Variants in LAMC1 observed in about 807,000 individuals in gnomAD.
LAMC1 encodes the protein laminin subunit gamma-1.
Under a neutral mutation model 173.6 loss-of-function variants are expected in LAMC1, and 38 were observed. That is an observed-to-expected ratio of 0.22 (90% CI 0.17 to 0.29). LAMC1 has a LOEUF of 0.29. Among genes scored for constraint, LAMC1 ranks in the 10% least tolerant of loss-of-function variants. LAMC1 has a pLI of 1.00. For missense variants in LAMC1, 1,824 were observed against 2,051.8 expected (o/e 0.89, Z 2.14); for synonymous variants, 746 against 749.1 (o/e 1.00, Z 0.07).
rs1472668027 is a variant in LAMC1 at position 183,034,868 on chromosome 1, C to G, written c.418+10734C>G. Among the ~76,000 whole-genome samples the G allele has an allele frequency of 2.6e-5, 4 of 152,154 alleles. No individual in the cohort carries two copies. In the East Asian group the frequency reaches 7.7e-4, roughly 29 times the overall value. ...CTTTTGTCAAGTGCCTCCTGGTTAC[C>G]TCTTTGAATTCTTCAGTCTTGAGAA... On this transcript the variant is annotated intron_variant, in intron 1 of 27. Coordinates refer to ENST00000258341, the MANE Select transcript of LAMC1 (RefSeq NM_002293.4).
intron 2 of LAMC1, among the ~76,000 whole-genome samples, chr1:183,104,320 A>G (rs1263239481): frequency 6.6e-6 from 1 of 152,218 alleles, no homozygotes; most frequent in Non-Finnish European, 1.5e-5. Flanking sequence ...TTCTACATGC[A>G]TATTCCTTAT....
chr1:183,058,269 C>G (rs1274271297), intron 1 of LAMC1, among the ~76,000 whole-genome samples: 2 of 152,136 alleles, frequency 1.3e-5, no homozygotes, highest in Non-Finnish European at 2.9e-5. Flanking sequence ...TATTTCATAC[C>G]TGTAACATAA....
chr1:183,049,256 C>T (rs189396799), intron 1 of LAMC1, among the ~76,000 whole-genome samples: 14 of 152,160 alleles, frequency 9.2e-5, no homozygotes, highest in Admixed American at 9.2e-4. Flanking sequence ...GTAGAGAAGA[C>T]ATACAGAAAT....
At chr1:183,029,436 C>T (rs1446932792) in intron 1 of LAMC1, among the ~76,000 whole-genome samples, 1 of 152,322 alleles carries the variant, frequency 6.6e-6, no homozygotes, top group South Asian at 2.1e-4. Flanking sequence ...TTCTAAAATG[C>T]AAATCTGATC....
At chr1:183,113,981 C>A (rs1029601666) in intron 4 of LAMC1, among the ~76,000 whole-genome samples, 3 of 152,126 alleles carry the variant, frequency 2.0e-5, no homozygotes, top group African/African-American at 7.2e-5. Flanking sequence ...TACGATGGTG[C>A]TGTTTTTTAG....
intron 1 of LAMC1, among the ~76,000 whole-genome samples, chr1:183,083,642 T>A (rs999894769): frequency 6.6e-6 from 1 of 152,220 alleles, no homozygotes; most frequent in Non-Finnish European, 1.5e-5. Context: ...TTTGCCAACT[T>A]GAAGGTGTAA....
At chr1:183,060,181 T>C (rs1418863230) in intron 1 of LAMC1, among the ~76,000 whole-genome samples, 1 of 152,142 alleles carries the variant, frequency 6.6e-6, no homozygotes, top group Admixed American at 6.5e-5. Context: ...TTTAAGTCCT[T>C]GTGAATGTGC....
chr1:183,099,600 GGCT>G (rs1209395283), intron 1 of LAMC1, among the ~76,000 whole-genome samples: 2 of 152,012 alleles, frequency 1.3e-5, no homozygotes, highest in Non-Finnish European at 2.9e-5. Context: ...TCCTCCCTCT[GGCT>G]GCCCCCTCAT....
chr1:183,034,792 A>T (rs775847940), intron 1 of LAMC1, among the ~76,000 whole-genome samples: 1 of 152,228 alleles, frequency 6.6e-6, no homozygotes, highest in Non-Finnish European at 1.5e-5. Flanking sequence ...GACGTGCCAG[A>T]TGGATTCTGA....
chr1:183,097,981 C>G (rs1041374717), intron 1 of LAMC1, among the ~76,000 whole-genome samples: 13 of 151,376 alleles, frequency 8.6e-5, no homozygotes, highest in African/African-American at 1.5e-4. Context: ...GGAAGATGTT[C>G]TGGTTGAATA....
intron 22 of LAMC1, among the ~76,000 whole-genome samples, chr1:183,133,982 T>G (rs1263521204): frequency 1.3e-5 from 2 of 152,194 alleles, no homozygotes; most frequent in Non-Finnish European, 2.9e-5. Flanking sequence ...ATGTAGACAT[T>G]TACTCCCAGG....
At chr1:183,037,868 TG>T (rs1654023563) in intron 1 of LAMC1, among the ~76,000 whole-genome samples, 1 of 152,106 alleles carries the variant, frequency 6.6e-6, no homozygotes, top group Non-Finnish European at 1.5e-5. Flanking sequence ...ATTCTAGGAT[TG>T]TTTTTTTCTC....
At chr1:183,139,649 T>C (rs1313014722) in intron 26 of LAMC1, among the ~76,000 whole-genome samples, 4 of 152,362 alleles carry the variant, frequency 2.6e-5, no homozygotes, top group South Asian at 2.1e-4. Flanking sequence ...AAAACAATTA[T>C]GTGGTAAGAG....
intron 1 of LAMC1, among the ~76,000 whole-genome samples, chr1:183,070,747 G>T (rs1311694145): frequency 6.6e-6 from 1 of 151,990 alleles, no homozygotes; most frequent in Non-Finnish European, 1.5e-5. Flanking sequence ...TCTTAAATGG[G>T]AGTTCTCAGT....
Position 183,114,558 on chromosome 1 carries a change from A to G in LAMC1, c.1049A>G (p.Glu350Gly), listed in dbSNP as rs1656263524. The G allele has an allele frequency of 6.2e-7, 1 of 1,614,074 alleles. No individual in the cohort carries two copies. The highest frequency in any genetic ancestry group is 1.3e-5 in the African/African-American group (1 of 74,922). The change falls in exon 5 of 28, where the codon GAA becomes GGA. Residue 350 changes from glutamate (E) to glycine (G), a missense_variant. By Grantham distance (98) the Glu-to-Gly change is moderately conservative. Coordinates refer to ENST00000258341, the MANE Select transcript of LAMC1 (RefSeq NM_002293.4). Reference sequence around the variant, plus strand: ...TGTGATTGCAATGGTCGATCCCAGGAATGCTACTTCGACCCTGAACTCTAT... The same window carrying G: ...TGTGATTGCAATGGTCGATCCCAGGGATGCTACTTCGACCCTGAACTCTAT... ...LPCDCNGRSQECYFDPELYRS... is the reference protein window; with the variant it reads ...LPCDCNGRSQGCYFDPELYRS...
chr1:183,124,048 G>A (rs569155914), intron 13 of LAMC1, among the ~76,000 whole-genome samples: 1 of 152,298 alleles, frequency 6.6e-6, no homozygotes, highest in South Asian at 2.1e-4. Flanking sequence ...TTTGGTTGCA[G>A]GCAAATTACT....
At position 183,125,465 on chromosome 1, in the gene LAMC1, G is replaced by C; in HGVS notation, c.2716G>C (p.Glu906Gln). 2 of 1,614,062 alleles carry C rather than the reference G, an allele frequency of 1.2e-6. No individual in the cohort carries two copies. Among genetic ancestry groups the C allele is most frequent in the Non-Finnish European group, 1.7e-6 (2 of 1,179,870 alleles). ...CTGTAACCCCGTGACGGGGCAGTGT[G>C]AATGTTTGCCTCACGTGACTGGCCA... ...SSCNPVTGQC[E>Q]CLPHVTGQDC... The change falls in exon 15 of 28, where the codon GAA becomes CAA. Residue 906 changes from glutamate to glutamine, a missense_variant. Transcript: ENST00000258341.
At chr1:183,052,906 G>T (rs1654471002) in intron 1 of LAMC1, among the ~76,000 whole-genome samples, 1 of 152,036 alleles carries the variant, frequency 6.6e-6, no homozygotes, top group Non-Finnish European at 1.5e-5. Context: ...TGTTCTCTAG[G>T]ATTGATGTGC....
At chr1:183,139,441 G>A (rs879618126) in intron 26 of LAMC1, among the ~76,000 whole-genome samples, 4 of 152,192 alleles carry the variant, frequency 2.6e-5, no homozygotes, top group Non-Finnish European at 5.9e-5. Context: ...GCTCTTGGCC[G>A]GCCCTGGCAG....
Sources: allele counts gnomAD v4.1 joint callset (sites outside exome capture counted in the v4.1 genomes callset), GRCh38; gene constraint gnomAD v4.1.1; transcripts MANE v1.5; gene names NCBI Gene and HGNC (gene_info 2026-07-23, HGNC 2026-07-21).